Variants in CSMD1 observed in about 807,000 individuals in gnomAD.
The protein encoded by CSMD1 is CUB and sushi domain-containing protein 1.
In CSMD1, 213 loss-of-function variants were observed where a neutral mutation model predicts 417.5. That is an observed-to-expected ratio of 0.51 (90% CI 0.46 to 0.57). The LOEUF is 0.57. Among genes scored for constraint, CSMD1 ranks in the 20% least tolerant of loss-of-function variants. The pLI is 0.00. For synonymous variants in CSMD1, 2,862 were observed against 1,736.8 expected, an observed-to-expected ratio of 1.65 and a Z score of -16.11; for missense variants, 6,923 against 4,529.7, an observed-to-expected ratio of 1.53 and a Z score of -15.17.
chr8:4,861,921 T>C (rs1802160190), intron 1 of CSMD1, among the ~76,000 whole-genome samples: 1 of 152,066 alleles, frequency 6.6e-6, no homozygotes, highest in African/African-American at 2.4e-5. Context: ...TTATTATACT[T>C]ACATTTCAAA....
At chr8:4,915,373 A>C (rs577162041) in intron 1 of CSMD1, among the ~76,000 whole-genome samples, 1 of 152,234 alleles carries the variant, frequency 6.6e-6, no homozygotes, top group African/African-American at 2.4e-5. Flanking sequence ...TAGTCTGACA[A>C]TCGTAGATTC....
chr8:3,504,940 T>C (rs990072046), intron 10 of CSMD1, among the ~76,000 whole-genome samples: 2 of 151,520 alleles, frequency 1.3e-5, no homozygotes, highest in Admixed American at 6.6e-5. Context: ...AGATAGAAAA[T>C]GCTTAAGCAC....
chr8:4,458,381 A>C (rs772323101), intron 2 of CSMD1, among the ~76,000 whole-genome samples: 1 of 152,200 alleles, frequency 6.6e-6, no homozygotes, highest in African/African-American at 2.4e-5. Flanking sequence ...TTATAAACCT[A>C]AAGTTATTAC....
chr8:3,124,901 C>T (rs1305399823), intron 41 of CSMD1, among the ~76,000 whole-genome samples: 1 of 152,138 alleles, frequency 6.6e-6, no homozygotes, highest in East Asian at 1.9e-4. Context: ...GTTTCTTTTT[C>T]TATTGTAAAC....
chr8:3,759,772 G>A (rs1323415422), intron 5 of CSMD1, among the ~76,000 whole-genome samples: 1 of 151,292 alleles, frequency 6.6e-6, no homozygotes, highest in African/African-American at 2.4e-5. Context: ...GCCAGACATG[G>A]TGGCAGACTC....
chr8:4,510,247 T>C (rs1802741462), intron 2 of CSMD1, among the ~76,000 whole-genome samples: 1 of 151,988 alleles, frequency 6.6e-6, no homozygotes, highest in Non-Finnish European at 1.5e-5. Flanking sequence ...ATTAAACCTC[T>C]TTCCTTTATA....
chr8:4,923,744 C>G (rs558932411), intron 1 of CSMD1, among the ~76,000 whole-genome samples: 4 of 152,018 alleles, frequency 2.6e-5, no homozygotes, highest in Admixed American at 2.0e-4. Flanking sequence ...TACCAAGGAA[C>G]CTTGGAAAGG....
At chr8:4,068,934 A>G (rs1007210003) in intron 3 of CSMD1, among the ~76,000 whole-genome samples, 1 of 152,204 alleles carries the variant, frequency 6.6e-6, no homozygotes, top group Non-Finnish European at 1.5e-5. Context: ...TTTGTGGAGA[A>G]ATTCTTAGCA....
At chr8:4,938,202 G>C (rs537162071) in intron 1 of CSMD1, among the ~76,000 whole-genome samples, 4 of 152,276 alleles carry the variant, frequency 2.6e-5, no homozygotes, top group Admixed American at 1.3e-4. Flanking sequence ...TTGACTTTGA[G>C]CTACTAGTGA....
chr8:3,923,571 G>A (rs1303423207), intron 5 of CSMD1, among the ~76,000 whole-genome samples: 1 of 152,234 alleles, frequency 6.6e-6, no homozygotes, highest in East Asian at 1.9e-4. Context: ...ATAATTAAAT[G>A]AAGCTAATTA....
At chr8:4,755,668 T>G (rs768100277) in intron 1 of CSMD1, among the ~76,000 whole-genome samples, 2 of 152,216 alleles carry the variant, frequency 1.3e-5, no homozygotes, top group South Asian at 2.1e-4. Context: ...ATGGCATTAT[T>G]AGTTTTCAAT....
chr8:3,233,210 G>T (rs1798948031), intron 26 of CSMD1, among the ~76,000 whole-genome samples: 1 of 152,072 alleles, frequency 6.6e-6, no homozygotes, highest in African/African-American at 2.4e-5. Context: ...ATATTGGGAG[G>T]TGAGGCCTTT....
chr8:3,679,696 C>T (rs1182080554), intron 7 of CSMD1, among the ~76,000 whole-genome samples: 1 of 152,190 alleles, frequency 6.6e-6, no homozygotes, highest in African/African-American at 2.4e-5. Flanking sequence ...TAATAGACAT[C>T]TACCTAACTC....
chr8:3,811,281 T>C (rs1294701634), intron 5 of CSMD1, among the ~76,000 whole-genome samples: 1 of 152,216 alleles, frequency 6.6e-6, no homozygotes, highest in Non-Finnish European at 1.5e-5. Context: ...GAGATAAGTT[T>C]ATGAGCACGG....
chr8:4,745,830 A>C (rs1810915704), intron 1 of CSMD1, among the ~76,000 whole-genome samples: 1 of 152,148 alleles, frequency 6.6e-6, no homozygotes, highest in Admixed American at 6.5e-5. Flanking sequence ...GGGGTGAAGA[A>C]GATGCAAAGA....
chr8:4,398,351 T>G (rs1804399634), intron 3 of CSMD1, among the ~76,000 whole-genome samples: 1 of 151,936 alleles, frequency 6.6e-6, no homozygotes, highest in African/African-American at 2.4e-5. Flanking sequence ...TTAAAAGTTT[T>G]TAATTATCCT....
intron 10 of CSMD1, among the ~76,000 whole-genome samples, chr8:3,534,055 C>T (rs1052629166): frequency 6.6e-6 from 1 of 152,124 alleles, no homozygotes; most frequent in African/African-American, 2.4e-5. Flanking sequence ...CTTGAAGTTA[C>T]TAGTTTTGAC....
At chr8:4,704,690 T>C (rs1807806478) in intron 1 of CSMD1, among the ~76,000 whole-genome samples, 1 of 152,240 alleles carries the variant, frequency 6.6e-6, no homozygotes, top group Non-Finnish European at 1.5e-5. Context: ...AAAAGTATTT[T>C]GTTTGTTTGC....
intron 1 of CSMD1, among the ~76,000 whole-genome samples, chr8:4,887,396 A>G (rs1803822661): frequency 6.6e-6 from 1 of 152,082 alleles, no homozygotes; most frequent in Admixed American, 6.5e-5. Context: ...TACAGTTATC[A>G]TGGACAACAG....
Sources: gnomAD v4.1 joint callset for allele counts (sites outside exome capture counted in the v4.1 genomes callset) on GRCh38, gnomAD v4.1.1 for gene constraint, MANE v1.5 for transcripts, NCBI Gene and HGNC (gene_info 2026-07-23, HGNC 2026-07-21) for gene names.